Variants in COL22A1 observed in about 807,000 individuals in gnomAD.
The protein encoded by COL22A1 is collagen alpha-1(XXII) chain.
COL22A1 carries 221 observed loss-of-function variants against 248.9 expected under a neutral mutation model. The ratio of observed to expected loss-of-function variants is 0.89; its 90% CI spans 0.80 to 0.99. The LOEUF (loss-of-function observed/expected upper bound fraction) is 0.99. Among genes scored for constraint, COL22A1 ranks in the 50% least tolerant of loss-of-function variants. COL22A1 has a pLI of 0.00. For synonymous variants in COL22A1, 891 were observed against 793.4 expected, an observed-to-expected ratio of 1.12 and a Z score of -2.07; for missense variants, 2,240 against 2,179.0, an observed-to-expected ratio of 1.03 and a Z score of -0.56.
At chr8:138,700,338 G>A (rs1827854321) in intron 31 of COL22A1, among the ~76,000 whole-genome samples, 194 bp from the exon 32 acceptor site, 1 of 152,206 alleles carries the variant, frequency 6.6e-6, no homozygotes, top group South Asian at 2.1e-4. Context: ...AGGCAGAAAT[G>A]CATAGTGGTT....
chr8:138,592,205 G>C (rs961152204), intron 63 of COL22A1, among the ~76,000 whole-genome samples: 2 of 152,342 alleles, frequency 1.3e-5, no homozygotes. Context: ...GCAGAGGAGA[G>C]AGTGATCCAT....
intron 1 of COL22A1, among the ~76,000 whole-genome samples, chr8:138,911,669 T>C (rs540456351): frequency 7.9e-5 from 12 of 152,340 alleles, no homozygotes; most frequent in African/African-American, 2.4e-4. Context: ...TCATTTTATG[T>C]TGGCAATAAC....
At chr8:138,866,659 G>C (rs1308246848) in intron 3 of COL22A1, among the ~76,000 whole-genome samples, 2 of 152,242 alleles carry the variant, frequency 1.3e-5, no homozygotes, top group East Asian at 1.9e-4. Context: ...GATGGCACCA[G>C]GGACAGAGTG....
intron 9 of COL22A1, among the ~76,000 whole-genome samples, chr8:138,811,531 CT>C (rs1210286496): frequency 6.6e-6 from 1 of 151,754 alleles, no homozygotes; most frequent in African/African-American, 2.4e-5. Flanking sequence ...TCAGTCACCC[CT>C]GAGTGGAGAT....
chr8:138,615,441 G>A (rs1019261396), intron 55 of COL22A1, among the ~76,000 whole-genome samples: 3 of 150,882 alleles, frequency 2.0e-5, no homozygotes, highest in African/African-American at 7.3e-5. Flanking sequence ...TGAGACAGGA[G>A]AATTGTTTGA....
intron 22 of COL22A1, among the ~76,000 whole-genome samples, chr8:138,741,333 G>C (rs1370206639): frequency 6.6e-6 from 1 of 152,152 alleles, no homozygotes; most frequent in African/African-American, 2.4e-5. Context: ...GCCGGGGTGG[G>C]GTACAAAGCT....
Position 138,594,218 on chromosome 8 carries a change from G to A in COL22A1, c.4433-19C>T. 1.9e-6 allele frequency: 3 copies of A among 1,559,260 alleles called. No individual in the cohort carries two copies. The highest frequency in any genetic ancestry group is 2.6e-6 in the Non-Finnish European group (3 of 1,160,674). On this transcript the variant is annotated intron_variant, in intron 62 of 64. Coordinates refer to ENST00000303045, the MANE Select transcript of COL22A1 (RefSeq NM_152888.3). ...AGTCTGGCTGTAAAGTAGAAAAAGAGAGGCATTTCATGAAGAACAGATAGT... is the reference window on the plus strand; with the variant it reads ...AGTCTGGCTGTAAAGTAGAAAAAGAAAGGCATTTCATGAAGAACAGATAGT...
Position 138,694,550 on chromosome 8 carries a change from GC to G in COL22A1, c.2657del (p.Gly886AlafsTer116). 6.2e-7 allele frequency: 1 copy of G among 1,614,082 alleles called. No individual in the cohort carries two copies. Among genetic ancestry groups the G allele is most frequent in the Non-Finnish European group, 8.5e-7 (1 of 1,179,986 alleles). The stretch of plus-strand genomic sequence containing the variant: ...CCTGAGGCCCCAATTCTCCAGGACG[GC>G]CCTGCAGTCCCTGTAAGCACACAAG... ...PGLPGEPGLQ[G>X]RPGELGPQGP... On this transcript the variant is annotated frameshift_variant, in exon 34 of 65. Transcript: ENST00000303045. LOFTEE classifies it high-confidence loss of function.
intron 52 of COL22A1, 46 bp from the exon 53 acceptor site, chr8:138,619,554 A>C (rs771983774): frequency 8.3e-6 from 13 of 1,561,378 alleles, no homozygotes; most frequent in East Asian, 4.5e-5. Flanking sequence ...ACATTGTAAG[A>C]ATCTTCCTAT....
At chr8:138,837,895 G>A (rs562041566) in intron 4 of COL22A1, among the ~76,000 whole-genome samples, 1 of 152,252 alleles carries the variant, frequency 6.6e-6, no homozygotes, top group Admixed American at 6.5e-5. Flanking sequence ...GGCCAGAGGT[G>A]GGACGTGTCC....
intron 58 of COL22A1, 61 bp downstream of exon 58, chr8:138,606,320 G>T: frequency 1.4e-6 from 2 of 1,437,040 alleles, no homozygotes; most frequent in South Asian, 1.2e-5. Flanking sequence ...GGAAGGTACT[G>T]CATGTGAACA....
At chr8:138,897,573 TAAG>T (rs1330261940) in intron 1 of COL22A1, among the ~76,000 whole-genome samples, 1 of 133,516 alleles carries the variant, frequency 7.5e-6, no homozygotes, top group Non-Finnish European at 1.7e-5. Flanking sequence ...ATAATAATAA[TAAG>T]TAACTTAGTG....
At chr8:138,802,387 G>A in intron 11 of COL22A1, among the ~76,000 whole-genome samples, 1 of 152,070 alleles carries the variant, frequency 6.6e-6, no homozygotes, top group Non-Finnish European at 1.5e-5. Flanking sequence ...CTGATGCTGG[G>A]ATGGAGGAGG....
In COL22A1 at chr8:138,637,141, G is replaced by A. The variant is rs182649741; in HGVS notation, c.3502-346C>T. On this transcript the variant is annotated intron_variant, in intron 47 of 64. Coordinates refer to ENST00000303045, the MANE Select transcript of COL22A1 (RefSeq NM_152888.3). ...GAAACCATTAAAAGGATGTGAAATT[G>A]TCCTAGGTTCTAGCTGTGGGTATAG... Among the ~76,000 whole-genome samples the A allele has an allele frequency of 2.9e-3, 434 of 152,252 alleles. 2 individuals carry two copies. Among genetic ancestry groups the A allele is most frequent in the African/African-American group, 8.8e-3 (364 of 41,534 alleles).
intron 1 of COL22A1, among the ~76,000 whole-genome samples, chr8:138,885,849 C>T (rs1163514728): frequency 2.0e-5 from 3 of 152,212 alleles, no homozygotes; most frequent in African/African-American, 7.2e-5. Context: ...AGGCATGAGC[C>T]ACTGCGCCCA....
intron 61 of COL22A1, among the ~76,000 whole-genome samples, chr8:138,597,350 A>ATAG (rs1311052839): frequency 1.3e-5 from 2 of 152,048 alleles, no homozygotes; most frequent in Non-Finnish European, 2.9e-5. Context: ...AGTTGTGTCC[A>ATAG]CCTTTTGGAC....
At chr8:138,640,714 T>C (rs147045489) in intron 47 of COL22A1, among the ~76,000 whole-genome samples, 1 of 152,322 alleles carries the variant, frequency 6.6e-6, no homozygotes, top group African/African-American at 2.4e-5. Flanking sequence ...ATGTATTAAA[T>C]GCTTCCTACC....
At chr8:138,884,002 T>C (rs1019413365) in intron 1 of COL22A1, among the ~76,000 whole-genome samples, 2 of 152,178 alleles carry the variant, frequency 1.3e-5, no homozygotes, top group African/African-American at 4.8e-5. Flanking sequence ...TCCCCCACCA[T>C]GCTGCACTTG....
intron 23 of COL22A1, among the ~76,000 whole-genome samples, chr8:138,725,924 G>T (rs984410430): frequency 1.3e-5 from 2 of 152,294 alleles, no homozygotes; most frequent in African/African-American, 2.4e-5. Flanking sequence ...CAGGCCTTCT[G>T]GTTCTCTAGG....
Sources: allele counts gnomAD v4.1 joint callset (sites outside exome capture counted in the v4.1 genomes callset), GRCh38; gene constraint gnomAD v4.1.1; transcripts MANE v1.5; gene names NCBI Gene and HGNC (gene_info 2026-07-23, HGNC 2026-07-21).